RRP7A: variants seen among roughly 807,000 people sequenced by gnomAD.
RRP7A encodes the protein ribosomal RNA processing 7 homolog A.
RRP7A carries 27 observed loss-of-function variants against 38.4 expected under a neutral mutation model. The ratio of observed to expected loss-of-function variants is 0.70; its 90% CI spans 0.52 to 0.97. The LOEUF (loss-of-function observed/expected upper bound fraction) is 0.97. Ranked by LOEUF, RRP7A falls within the 50% of genes least tolerant of loss-of-function variation. RRP7A has a pLI of 0.00. For missense variants in RRP7A, 327 were observed against 375.4 expected (o/e 0.87, Z 1.07); for synonymous variants, 124 against 150.3 (o/e 0.83, Z 1.28).
intron 6 of RRP7A, among the ~76,000 whole-genome samples, 187 bp from the exon 7 acceptor site, chr22:42,513,182 AGGCCGAGTCCAAG>A (rs1920922546): frequency 6.8e-6 from 1 of 146,220 alleles, no homozygotes; most frequent in Non-Finnish European, 1.5e-5. Flanking sequence ...AACCGACGGC[AGGCCGAGTCCAAG>A]GGCAAGGCCA....
At chr22:42,516,200 C>T (rs746955564) in intron 2 of RRP7A, 64 bp from the exon 3 acceptor site, 9 of 1,595,732 alleles carry the variant, frequency 5.6e-6, no homozygotes, top group Non-Finnish European at 7.7e-6. Context: ...CCTCCCTGCA[C>T]CATGGGTGGC....
intron 1 of RRP7A, among the ~76,000 whole-genome samples, chr22:42,519,022 C>A (rs1601809142): frequency 1.4e-5 from 2 of 147,642 alleles, no homozygotes; most frequent in African/African-American, 5.1e-5. Flanking sequence ...AAAGCTCAGG[C>A]CAGAACGCCA....
rs1932517328 is a variant in RRP7A, at chr22:42,513,000, G to C, written c.758-5C>G. The C allele has an allele frequency of 1.2e-6, 2 of 1,611,638 alleles. No homozygotes were observed. The highest frequency in any genetic ancestry group is 1.3e-5 in the African/African-American group (1 of 74,976). On this transcript the variant is annotated splice_polypyrimidine_tract_variant and splice_region_variant and intron_variant, in intron 6 of 6. Transcript: ENST00000323013. Reference sequence around the variant, plus strand: ...TCTTGCGCAGCTGCGCTAGATCTGGGGGTGAGAGGAGGCGCGGGGCAGGGT... The same window carrying C: ...TCTTGCGCAGCTGCGCTAGATCTGGCGGTGAGAGGAGGCGCGGGGCAGGGT...
rs1171437198 is a variant in RRP7A at position 42,509,641 on chromosome 22, T to C, written c.*3269A>G. ...ACCGTGCGTGGCCCACCATAGACGATTTTTAAGCCATAAAAAGAAACGAAG... is the reference window on the plus strand; with the variant it reads ...ACCGTGCGTGGCCCACCATAGACGACTTTTAAGCCATAAAAAGAAACGAAG... On this transcript the variant is annotated 3_prime_UTR_variant, in exon 7 of 7. Coordinates refer to ENST00000323013, the MANE Select transcript of RRP7A (RefSeq NM_015703.5). Among the ~76,000 whole-genome samples, 1 of 151,884 alleles carries C rather than the reference T, an allele frequency of 6.6e-6. No homozygotes were observed. The highest frequency in any genetic ancestry group is 1.5e-5 in the Non-Finnish European group (1 of 67,980).
chr22:42,509,159 G>T lies in RRP7A; in HGVS notation c.*3751C>A. 1 of 1,610,548 alleles carries T rather than the reference G, an allele frequency of 6.2e-7. No individual in the cohort carries two copies. Among genetic ancestry groups the T allele is most frequent in the Non-Finnish European group, 8.5e-7 (1 of 1,177,804 alleles). On this transcript the variant is annotated 3_prime_UTR_variant, in exon 7 of 7. Coordinates refer to ENST00000323013, the MANE Select transcript of RRP7A (RefSeq NM_015703.5). ...AGTCACCCCCCAAGGAGACATGGGCGCCAGGAATCTCTGGGAGGGGGCCCT... is the reference window on the plus strand; with the variant it reads ...AGTCACCCCCCAAGGAGACATGGGCTCCAGGAATCTCTGGGAGGGGGCCCT...
Position 42,509,534 on chromosome 22 carries a change from T to C in RRP7A, c.*3376A>G, listed in dbSNP as rs911428704. On this transcript the variant is annotated 3_prime_UTR_variant, in exon 7 of 7. Coordinates refer to ENST00000323013, the MANE Select transcript of RRP7A (RefSeq NM_015703.5). ...TTTTAGTAGAGACGAGGTTTCGCCA[T>C]GTTGGCCAGGCTGCTCTCCATCTCC... 3.9e-4 allele frequency among the ~76,000 whole-genome samples: 59 copies of C among 150,170 alleles called. No individual in the cohort carries two copies. Among genetic ancestry groups the C allele is most frequent in the African/African-American group, 1.3e-3 (55 of 41,220 alleles).
intron 2 of RRP7A, chr22:42,516,378 T>A (rs1293648797): frequency 1.8e-6 from 1 of 553,404 alleles, no homozygotes; most frequent in South Asian, 1.5e-5. Flanking sequence ...TAGCCCAGGC[T>A]GGAGTCCTGC....
chr22:42,513,089 G>A (rs551525450), intron 6 of RRP7A, 94 bp from the exon 7 acceptor site: 139 of 1,048,794 alleles, frequency 1.3e-4, no homozygotes, highest in Non-Finnish European at 1.9e-4. Flanking sequence ...GTTACTGTGG[G>A]GGTGGGGCTA....
At position 42,512,412 on chromosome 22, in the gene RRP7A, C is replaced by G. The variant is rs982702753; in HGVS notation, c.*498G>C. On this transcript the variant is annotated 3_prime_UTR_variant, in exon 7 of 7. Coordinates refer to ENST00000323013, the MANE Select transcript of RRP7A (RefSeq NM_015703.5). ...AGATTCCAACTTCAACATCTGTGAC[C>G]TCAAGGGGGAGACAGAGTCTGGGTT... is the stretch of plus-strand genomic sequence containing the variant. 3.2e-6 allele frequency: 2 copies of G among 626,658 alleles called. No homozygotes were observed. Among genetic ancestry groups the G allele is most frequent in the African/African-American group, 3.7e-5 (2 of 54,420 alleles). The allele number at this position is 626,658 out of a possible 1,614,324, so 38.8% of individuals were successfully genotyped here.
intron 1 of RRP7A, among the ~76,000 whole-genome samples, 198 bp from the exon 2 acceptor site, chr22:42,518,345 C>T (rs1372674030): frequency 2.7e-5 from 4 of 150,692 alleles, no homozygotes; most frequent in African/African-American, 7.3e-5. Flanking sequence ...GGAGGGCCTC[C>T]CAAGGCGGTG....
rs1176632451 is a variant in RRP7A, at chr22:42,512,041, G to A, written c.*869C>T. On this transcript the variant is annotated 3_prime_UTR_variant, in exon 7 of 7. Transcript: ENST00000323013. ...GCAGGGAGCTGGAATGCTGTGGGAGGGCCCTGACCCCGGGGCCCATGGAGC... is the reference window on the plus strand; with the variant it reads ...GCAGGGAGCTGGAATGCTGTGGGAGAGCCCTGACCCCGGGGCCCATGGAGC... 3 of 1,029,354 alleles carry A rather than the reference G, an allele frequency of 2.9e-6. No individual in the cohort carries two copies. The highest frequency in any genetic ancestry group is 4.5e-6 in the Non-Finnish European group (3 of 659,596). The allele number at this position is 1,029,354 out of a possible 1,614,324, so 63.8% of individuals were successfully genotyped here. A position where few individuals can be genotyped will look rare whatever the true frequency, so the allele number is the denominator to read the frequency against.
In RRP7A at chr22:42,512,963, C is replaced by T. The variant is rs369644197; in HGVS notation, c.790G>A (p.Asp264Asn). The T allele has an allele frequency of 6.2e-6, 10 of 1,613,374 alleles. No individual in the cohort carries two copies. The African/African-American group carries it at 1.3e-4, about 22-fold the overall frequency. ...CGCAGCAGCTCGATCCTCTGCTTGT[C>T]CTCCTCGAACTTCTTGCGCAGCTGC... The part of the protein sequence containing the change: ...LAQLRKKFEE[D>N]KQRIELLRAQ... Residue 264 changes from aspartate to asparagine, a missense_variant, in exon 7 of 7, where the codon GAC (aspartate) becomes AAC (asparagine). Asp to Asn is a conservative substitution (Grantham distance 23). Transcript: ENST00000323013.
rs1060159 is a variant in RRP7A, at chr22:42,512,549, C to A, written c.*361G>T. 5.5e-6 allele frequency: 3 copies of A among 541,516 alleles called. No homozygotes were observed. Among genetic ancestry groups the A allele is most frequent in the Non-Finnish European group, 9.9e-6 (3 of 301,792 alleles). 33.5% of individuals were successfully genotyped at this position (541,516 alleles called of 1,614,324 possible). Reference sequence around the variant, plus strand: ...CCAACTGGATGGAAAATAAAAGGTTCTTGTATTCTCACTGCTTTTGAGGCT... The same window carrying A: ...CCAACTGGATGGAAAATAAAAGGTTATTGTATTCTCACTGCTTTTGAGGCT... On this transcript the variant is annotated 3_prime_UTR_variant, in exon 7 of 7. Coordinates refer to ENST00000323013, the MANE Select transcript of RRP7A (RefSeq NM_015703.5).
chr22:42,509,850 G>GGTGTGTGTGTGTGAGTGTGTGTGTGT lies in RRP7A; in HGVS notation c.*3059_*3060insACACACACACACTCACACACACACAC, dbSNP rs1932395075. On this transcript the variant is annotated 3_prime_UTR_variant, in exon 7 of 7. Coordinates refer to ENST00000323013, the MANE Select transcript of RRP7A (RefSeq NM_015703.5). ...AAGCCTGTTGGGGGTGGGGGGGTGG[G>GGTGTGTGTGTGTGAGTGTGTGTGTGT]GTGTGTGTGTGTGTGTGTAAGCTCA... 1.8e-5 allele frequency: 1 copy of GGTGTGTGTGTGTGAGTGTGTGTGTGT among 56,864 alleles called. No individual in the cohort carries two copies. Among genetic ancestry groups the GGTGTGTGTGTGTGAGTGTGTGTGTGT allele is most frequent in the East Asian group, 6.4e-4 (1 of 1,572 alleles). 3.5% of individuals were successfully genotyped at this position (56,864 alleles called of 1,614,324 possible).
In RRP7A at chr22:42,509,436, G is replaced by A. The variant is rs555243936; in HGVS notation, c.*3474C>T. Among the ~76,000 whole-genome samples, 101 of 150,842 alleles carry A rather than the reference G, an allele frequency of 6.7e-4. No individual in the cohort carries two copies. Among genetic ancestry groups the A allele is most frequent in the Middle Eastern group, 3.4e-3 (1 of 292 alleles). The stretch of plus-strand genomic sequence containing the variant: ...CAACCTCTGCCTCCTGGATTCAAAC[G>A]ATTCTCCTGCCTCAGCCTCCCGAGT... On this transcript the variant is annotated 3_prime_UTR_variant, in exon 7 of 7. Transcript: ENST00000323013.
chr22:42,513,706 CA>C (rs1920923187), intron 6 of RRP7A, among the ~76,000 whole-genome samples: 2 of 148,860 alleles, frequency 1.3e-5, no homozygotes, highest in East Asian at 2.0e-4. Context: ...GACACACACA[CA>C]CACACACCCA....
rs138533898 is a variant in RRP7A at position 42,512,805 on chromosome 22, C to G, written c.*105G>C. 952 of 1,235,688 alleles carry G rather than the reference C, an allele frequency of 7.7e-4. 10 individuals are homozygous for G. The African/African-American group carries it at 0.013, about 16-fold the overall frequency. The allele number at this position is 1,235,688 out of a possible 1,614,324, so 76.5% of individuals were successfully genotyped here. Reference sequence around the variant, plus strand: ...GGCTGTTGGACGCGGTGGCCTTCAACCTGGGGCCCGTTGGCCAGAGCTCGG... The same window carrying G: ...GGCTGTTGGACGCGGTGGCCTTCAAGCTGGGGCCCGTTGGCCAGAGCTCGG... On this transcript the variant is annotated 3_prime_UTR_variant, in exon 7 of 7. Coordinates refer to ENST00000323013, the MANE Select transcript of RRP7A (RefSeq NM_015703.5).
Position 42,512,687 on chromosome 22 carries a change from C to T in RRP7A, c.*223G>A, listed in dbSNP as rs890855060. ...GCAAGAAGCAGGAAGGACAAGTCCTCCTCTCGGCACGCCTGGGTCCCCAGG... is the reference window on the plus strand; with the variant it reads ...GCAAGAAGCAGGAAGGACAAGTCCTTCTCTCGGCACGCCTGGGTCCCCAGG... On this transcript the variant is annotated 3_prime_UTR_variant, in exon 7 of 7. Transcript: ENST00000323013. The T allele has an allele frequency of 1.2e-5, 7 of 608,184 alleles. No individual in the cohort carries two copies. The highest frequency in any genetic ancestry group is 1.1e-4 in the African/African-American group (6 of 54,390). 37.7% of individuals were successfully genotyped at this position (608,184 alleles called of 1,614,324 possible).
At position 42,519,765 on chromosome 22, in the gene RRP7A, A is replaced by G; in HGVS notation, c.22T>C (p.Cys8Arg). Reference sequence around the variant, plus strand: ...CGGTCCTCCGGGTCCCGCGCGGCGCACTTCCTCCTGCGCGCCACCATCTTG... The same window carrying G: ...CGGTCCTCCGGGTCCCGCGCGGCGCGCTTCCTCCTGCGCGCCACCATCTTG... Reference protein sequence around the residue: MVARRRKCAARDPEDRIP... With the variant: MVARRRKRAARDPEDRIP... The change falls in exon 1 of 7, where the codon TGC (cysteine) becomes CGC (arginine). Residue 8 changes from cysteine to arginine, a missense_variant. This residue lies in a region of RRP7A where 183 missense variants were observed against 141.8 expected (regional missense o/e 1.29). Transcript: ENST00000323013. 2.1e-6 allele frequency: 3 copies of G among 1,450,458 alleles called. No homozygotes were observed. The highest frequency in any genetic ancestry group is 1.8e-6 in the Non-Finnish European group (2 of 1,102,886). 89.8% of individuals were successfully genotyped at this position (1,450,458 alleles called of 1,614,324 possible).
Sources: allele counts gnomAD v4.1 joint callset (sites outside exome capture counted in the v4.1 genomes callset), GRCh38; gene constraint gnomAD v4.1.1; regional missense constraint gnomAD v4.1.1; transcripts MANE v1.5; gene names NCBI Gene and HGNC (gene_info 2026-07-23, HGNC 2026-07-21).